The following ADAMTS18 variants were observed in gnomAD, a reference collection of about 807,000 sequenced individuals.
The protein encoded by ADAMTS18 is ADAM metallopeptidase with thrombospondin type 1 motif 18.
A neutral mutation model predicts 165.9 loss-of-function variants in ADAMTS18; 157 were observed. That is an observed-to-expected ratio of 0.95 (90% CI 0.83 to 1.08). The LOEUF is 1.08. Among genes scored for constraint, ADAMTS18 ranks in the 50% least tolerant of loss-of-function variants. ADAMTS18 has a pLI of 0.00. For synonymous variants in ADAMTS18, 782 were observed against 578.2 expected (o/e 1.35, Z -5.06); for missense variants, 2,040 against 1,534.0 (o/e 1.33, Z -5.51).
At chr16:77,423,805 C>T (rs1025216031) in intron 3 of ADAMTS18, among the ~76,000 whole-genome samples, 9 of 152,072 alleles carry the variant, frequency 5.9e-5, no homozygotes, top group Non-Finnish European at 8.8e-5. Context: ...CAAACATTCC[C>T]GCAAGCAGAA....
At chr16:77,418,080 G>C (rs1219419192) in intron 3 of ADAMTS18, among the ~76,000 whole-genome samples, 1 of 152,110 alleles carries the variant, frequency 6.6e-6, no homozygotes, top group Non-Finnish European at 1.5e-5. Context: ...TAGAGATCCA[G>C]TCATTTTCAG....
intron 3 of ADAMTS18, among the ~76,000 whole-genome samples, chr16:77,401,327 T>C (rs913952364): frequency 2.0e-5 from 3 of 152,104 alleles, no homozygotes; most frequent in Non-Finnish European, 2.9e-5. Context: ...GCCACAATAA[T>C]CCAAGATAAT....
At chr16:77,328,443 A>ATTTATCCCATCC (rs1294270286) in intron 12 of ADAMTS18, among the ~76,000 whole-genome samples, 1 of 152,192 alleles carries the variant, frequency 6.6e-6, no homozygotes, top group African/African-American at 2.4e-5. Context: ...AGCGTAATTA[A>ATTTATCCCATCC]TTTATCCCAT....
intron 17 of ADAMTS18, among the ~76,000 whole-genome samples, chr16:77,297,925 T>TC (rs1352323891): frequency 2.2e-5 from 3 of 136,218 alleles, no homozygotes; most frequent in African/African-American, 8.3e-5. Context: ...GCTTTTTTTT[T>TC]TTTTTTTTTT....
chr16:77,381,781 G>A (rs988076327), intron 3 of ADAMTS18, among the ~76,000 whole-genome samples: 2 of 152,164 alleles, frequency 1.3e-5, no homozygotes, highest in African/African-American at 4.8e-5. Context: ...CACCCTGGGT[G>A]ACAGAGCGAG....
intron 16 of ADAMTS18, among the ~76,000 whole-genome samples, chr16:77,301,698 G>A (rs369763310): frequency 2.6e-5 from 4 of 152,154 alleles, no homozygotes; most frequent in African/African-American, 9.7e-5. Flanking sequence ...CACTCTTTAG[G>A]ATGGTACAAA....
At position 77,367,425 on chromosome 16, in the gene ADAMTS18, A is replaced by C. The variant is rs1199896487; in HGVS notation, c.778+16T>G. 2 of 1,613,994 alleles carry C rather than the reference A, an allele frequency of 1.2e-6. No individual in the cohort carries two copies. Among genetic ancestry groups the C allele is most frequent in the East Asian group, 2.2e-5 (1 of 44,856 alleles). Reference sequence around the variant, plus strand: ...GCCCACATAAGAACAGAAAAAGAAAAAGTTTCCTTACATACATTTCTTGCG... The same window carrying C: ...GCCCACATAAGAACAGAAAAAGAAACAGTTTCCTTACATACATTTCTTGCG... On this transcript the variant is annotated intron_variant, in intron 4 of 22. Transcript: ENST00000282849.
rs563874115 is a variant in ADAMTS18, at chr16:77,424,197, G to A, written c.495+7098C>T. ...AAAGGCAGGCAGGCAGGCCGGGCGC[G>A]GTGGCTCACGCCTGTAATCCCAGCA... On this transcript the variant is annotated intron_variant, in intron 3 of 22. Transcript: ENST00000282849. Among the ~76,000 whole-genome samples, 10 of 152,278 alleles carry A rather than the reference G, an allele frequency of 6.6e-5. No homozygotes were observed. The East Asian group carries it at 7.7e-4, about 12-fold the overall frequency.
chr16:77,346,031 A>C (rs1302507590), intron 10 of ADAMTS18, among the ~76,000 whole-genome samples: 1 of 152,058 alleles, frequency 6.6e-6, no homozygotes, highest in Non-Finnish European at 1.5e-5. Flanking sequence ...CTCTGCCAAC[A>C]CTCAAATTTT....
intron 16 of ADAMTS18, among the ~76,000 whole-genome samples, chr16:77,312,334 T>G (rs2055798275): frequency 1.3e-5 from 2 of 152,082 alleles, no homozygotes; most frequent in Non-Finnish European, 2.9e-5. Flanking sequence ...CCTCCTGGGT[T>G]CAAGAAATTC....
At chr16:77,291,180 A>T in intron 21 of ADAMTS18, 86 bp downstream of exon 21, 1 of 1,452,598 alleles carries the variant, frequency 6.9e-7, no homozygotes, top group Non-Finnish European at 9.6e-7. Flanking sequence ...GACAACCATT[A>T]ACAGACTAAG....
intron 3 of ADAMTS18, among the ~76,000 whole-genome samples, chr16:77,425,278 G>C (rs901795872): frequency 6.6e-6 from 1 of 152,156 alleles, no homozygotes; most frequent in Non-Finnish European, 1.5e-5. Flanking sequence ...AAAGAGAAAC[G>C]AGGGGAAACC....
Position 77,282,410 on chromosome 16 carries a change from C to CCACTT in ADAMTS18, c.*1541_*1545dup, listed in dbSNP as rs1161464377. 6.6e-6 allele frequency: 1 copy of CCACTT among 151,826 alleles called. No individual in the cohort carries two copies. The highest frequency in any genetic ancestry group is 1.5e-5 in the Non-Finnish European group (1 of 67,976). The allele number at this position is 151,826 out of a possible 1,614,324, so 9.4% of individuals were successfully genotyped here. ...TTTTTTTTTCCTGTTGATAAAATGGCCACTTCTCTAGGCCAAGCCAAGCAG... is the reference window on the plus strand; with the variant it reads ...TTTTTTTTTCCTGTTGATAAAATGGCCACTTCACTTCTCTAGGCCAAGCCAAGCAG... On this transcript the variant is annotated 3_prime_UTR_variant, in exon 23 of 23. Transcript: ENST00000282849.
Position 77,434,730 on chromosome 16 carries a change from G to A in ADAMTS18, c.-35C>T. 1.4e-6 allele frequency: 2 copies of A among 1,407,582 alleles called. No individual in the cohort carries two copies. The highest frequency in any genetic ancestry group is 1.9e-6 in the Non-Finnish European group (2 of 1,080,694). The allele number at this position is 1,407,582 out of a possible 1,614,324, so 87.2% of individuals were successfully genotyped here. ...CGGACGCGGCGGCTGCGGGTGGCCA[G>A]ACGCGGCAGGCGGAGCGCACGGGCG... On this transcript the variant is annotated 5_prime_UTR_variant, in exon 1 of 23. Transcript: ENST00000282849.
At chr16:77,403,897 G>A (rs771121541) in intron 3 of ADAMTS18, among the ~76,000 whole-genome samples, 6 of 152,078 alleles carry the variant, frequency 3.9e-5, no homozygotes, top group Non-Finnish European at 8.8e-5. Context: ...GAATCTAGTT[G>A]GAGAAGAGGG....
chr16:77,283,718 T>C lies in ADAMTS18; in HGVS notation c.*238A>G, dbSNP rs2055192570. On this transcript the variant is annotated 3_prime_UTR_variant, in exon 23 of 23. Transcript: ENST00000282849. ...ATAACAGTGCAAATCAAAGATTTTT[T>C]TTAAAGTCAGATTTGTCATCGCTTC... The C allele has an allele frequency of 5.9e-6, 3 of 510,158 alleles. No homozygotes were observed. The Admixed American group carries it at 9.7e-5, about 16-fold the overall frequency. The allele number at this position is 510,158 out of a possible 1,614,324, so 31.6% of individuals were successfully genotyped here.
chr16:77,294,346 A>G (rs953474428), intron 19 of ADAMTS18, among the ~76,000 whole-genome samples: 6 of 152,112 alleles, frequency 3.9e-5, no homozygotes, highest in Non-Finnish European at 7.4e-5. Flanking sequence ...CATCTCCCCA[A>G]GTTGTGACAT....
chr16:77,417,284 G>A (rs938508316), intron 3 of ADAMTS18, among the ~76,000 whole-genome samples: 2 of 152,108 alleles, frequency 1.3e-5, no homozygotes, highest in African/African-American at 4.8e-5. Flanking sequence ...ATAGCTGGGT[G>A]GGTGAGTGGG....
At chr16:77,434,285 C>T in intron 2 of ADAMTS18, 133 bp downstream of exon 2, 1 of 1,070,390 alleles carries the variant, frequency 9.3e-7, no homozygotes, top group East Asian at 2.6e-5. Flanking sequence ...CCTCTCCAAA[C>T]AGGAACCATT....
Sources: allele counts gnomAD v4.1 joint callset (sites outside exome capture counted in the v4.1 genomes callset), GRCh38; gene constraint gnomAD v4.1.1; transcripts MANE v1.5; gene names NCBI Gene and HGNC (gene_info 2026-07-23, HGNC 2026-07-21).